The following DNM2 variants were observed in gnomAD, a reference collection of about 807,000 sequenced individuals.
The protein encoded by DNM2 is dynamin-2.
A neutral mutation model predicts 99.0 loss-of-function variants in DNM2; 15 were observed. The observed-to-expected ratio is 0.15, with a 90% CI of 0.10 to 0.23. The LOEUF (loss-of-function observed/expected upper bound fraction) is 0.23. DNM2 is among the 10% of genes least tolerant of loss of function. The pLI is 1.00. For synonymous variants in DNM2, 525 were observed against 481.2 expected, an observed-to-expected ratio of 1.09 and a Z score of -1.19; for missense variants, 742 against 1,189.4, an observed-to-expected ratio of 0.62 and a Z score of 5.53.
At position 10,783,092 on chromosome 19, in the gene DNM2, C is replaced by G; in HGVS notation, c.821C>G (p.Thr274Arg). 1 of 1,613,286 alleles carries G rather than the reference C, an allele frequency of 6.2e-7. No homozygotes were observed. Among genetic ancestry groups the G allele is most frequent in the Non-Finnish European group, 8.5e-7 (1 of 1,180,044 alleles). Residue 274 changes from threonine (T) to arginine (R), a missense_variant, in exon 6 of 21, where the codon ACG becomes AGG. Physicochemically the swap from Thr to Arg is moderately conservative, Grantham distance 71. Coordinates refer to ENST00000389253, the MANE Select transcript of DNM2 (RefSeq NM_001005361.3). The part of the protein sequence containing the change: ...AYRHMADRMG[T>R]PHLQKTLNQQ... ...CGGCACATGGCCGACCGCATGGGCA[C>G]GCCACATCTGCAGAAGACGCTGAAT... is the stretch of plus-strand genomic sequence containing the variant.
chr19:10,782,526 T>G (rs1266488561), intron 5 of DNM2, among the ~76,000 whole-genome samples: 1 of 151,950 alleles, frequency 6.6e-6, no homozygotes. Flanking sequence ...GCACGGCTAA[T>G]TTTTTGTATT....
At chr19:10,815,758 C>T (rs1008546981) in intron 15 of DNM2, among the ~76,000 whole-genome samples, 2 of 152,186 alleles carry the variant, frequency 1.3e-5, no homozygotes, top group Non-Finnish European at 2.9e-5. Flanking sequence ...GCCGCCCTGC[C>T]TGGCTCTCTT....
intron 5 of DNM2, among the ~76,000 whole-genome samples, chr19:10,782,355 T>TTTTTCTTTTTCG (rs1168651781): frequency 6.7e-6 from 1 of 150,286 alleles, no homozygotes; most frequent in Non-Finnish European, 1.5e-5. Context: ...TTTCTTTTTC[T>TTTTTCTTTTTCG]TTTTCTTTTT....
intron 5 of DNM2, among the ~76,000 whole-genome samples, chr19:10,781,149 C>T (rs2071357121): frequency 6.6e-6 from 1 of 152,088 alleles, no homozygotes. Flanking sequence ...ATGATTGTGC[C>T]ACTGCAATGC....
chr19:10,754,801 A>G (rs893579556), intron 1 of DNM2, among the ~76,000 whole-genome samples: 8 of 151,952 alleles, frequency 5.3e-5, no homozygotes, highest in African/African-American at 1.9e-4. Context: ...TATGTTGCCC[A>G]GGCTGGTCTC....
In DNM2 at chr19:10,802,252, G is replaced by GGCC. The variant is rs766211041; in HGVS notation, c.1423-35_1423-33dup. ...GCCGCTGCCCCCCCTTGCCAGGCTTGGCCTTGTACTCACAGTGACCCCCGC... is the reference window on the plus strand; with the variant it reads ...GCCGCTGCCCCCCCTTGCCAGGCTTGGCCGCCTTGTACTCACAGTGACCCCCGC... On this transcript the variant is annotated intron_variant, in intron 11 of 20. Coordinates refer to ENST00000389253, the MANE Select transcript of DNM2 (RefSeq NM_001005361.3). 1.1e-5 allele frequency: 17 copies of GGCC among 1,612,668 alleles called. 1 individual carries two copies. Among genetic ancestry groups the GGCC allele is most frequent in the Non-Finnish European group, 1.4e-5 (17 of 1,178,908 alleles).
chr19:10,821,552 A>G (rs2072970511), intron 16 of DNM2, among the ~76,000 whole-genome samples: 2 of 151,786 alleles, frequency 1.3e-5, no homozygotes, highest in Non-Finnish European at 2.9e-5. Context: ...TTTTTTTTAA[A>G]CGGAGTTCCG....
At chr19:10,814,071 A>G (rs965616357) in intron 15 of DNM2, among the ~76,000 whole-genome samples, 2 of 151,992 alleles carry the variant, frequency 1.3e-5, no homozygotes, top group Non-Finnish European at 2.9e-5. Context: ...CTGAGGCAGG[A>G]GAATCACCGG....
intron 17 of DNM2, chr19:10,824,505 A>C (rs1457233166): frequency 5.2e-6 from 1 of 191,276 alleles, no homozygotes; most frequent in Non-Finnish European, 1.1e-5. Flanking sequence ...CATCTCAAAA[A>C]TAAAATAAAA....
At chr19:10,825,419 C>A (rs890190346) in intron 18 of DNM2, among the ~76,000 whole-genome samples, 198 bp downstream of exon 18, 2 of 152,072 alleles carry the variant, frequency 1.3e-5, no homozygotes, top group Non-Finnish European at 2.9e-5. Flanking sequence ...ACCTGTAATC[C>A]CAGCACTTTG....
chr19:10,723,245 T>C (rs1015404404), intron 1 of DNM2, among the ~76,000 whole-genome samples: 2 of 151,672 alleles, frequency 1.3e-5, no homozygotes, highest in Non-Finnish European at 2.9e-5. Context: ...GCCATTCTCC[T>C]GCCTCAGCCT....
At chr19:10,798,400 CCT>C in intron 10 of DNM2, 84 bp from the exon 11 acceptor site, 1 of 1,012,420 alleles carries the variant, frequency 9.9e-7, no homozygotes, top group Non-Finnish European at 1.5e-6. Context: ...TCCCCACCCC[CCT>C]CCGCATTTTC....
intron 5 of DNM2, among the ~76,000 whole-genome samples, chr19:10,779,813 A>C (rs1339575417): frequency 1.3e-5 from 2 of 151,614 alleles, no homozygotes; most frequent in Non-Finnish European, 2.9e-5. Context: ...GCCACCACAC[A>C]CAGCTGATTT....
At position 10,795,404 on chromosome 19, in the gene DNM2, G is replaced by T. The variant is rs2071897159; in HGVS notation, c.1161G>T (p.Glu387Asp). Reference sequence around the variant, plus strand: ...TTGACGAGAAGGACTTACGACGGGAGATCAGCTATGCCATTAAGAACATCC... The same window carrying T: ...TTGACGAGAAGGACTTACGACGGGATATCAGCTATGCCATTAAGAACATCC... ...MEFDEKDLRR[E>D]ISYAIKNIHG... Residue 387 changes from glutamate to aspartate, a missense_variant, in exon 9 of 21, where the codon GAG becomes GAT. By Grantham distance (45) the Glu-to-Asp change is conservative. This residue lies in a region of DNM2 where 13 missense variants were observed against 61.3 expected (regional missense o/e 0.21). Transcript: ENST00000389253. The surrounding 1 kb of genome is among the most constrained non-coding windows in gnomAD (Gnocchi z 4.2). The T allele has an allele frequency of 6.8e-6, 11 of 1,614,160 alleles. No individual in the cohort carries two copies. The highest frequency in any genetic ancestry group is 1.1e-5 in the South Asian group (1 of 91,086).
At chr19:10,733,189 T>TG (rs1327749225) in intron 1 of DNM2, among the ~76,000 whole-genome samples, 6 of 88,260 alleles carry the variant, frequency 6.8e-5, no homozygotes, top group African/African-American at 3.3e-4. Flanking sequence ...TGGGCTGGTG[T>TG]GGTTTTTTTT....
intron 1 of DNM2, among the ~76,000 whole-genome samples, chr19:10,737,864 G>A (rs1186360150): frequency 1.3e-5 from 2 of 152,190 alleles, no homozygotes; most frequent in Non-Finnish European, 2.9e-5. Context: ...TGGCTGTAGC[G>A]CAGTCCCTTG....
chr19:10,808,475 G>C, intron 13 of DNM2, 94 bp from the exon 14 acceptor site: 1 of 1,409,616 alleles, frequency 7.1e-7, no homozygotes, highest in Non-Finnish European at 9.7e-7. Flanking sequence ...TGCTTTTCCT[G>C]CTTTTTCTTT....
At chr19:10,802,863 C>A (rs2072202663) in intron 12 of DNM2, among the ~76,000 whole-genome samples, 1 of 152,198 alleles carries the variant, frequency 6.6e-6, no homozygotes. Flanking sequence ...CATCGGGGAG[C>A]CCTGATTTCA....
chr19:10,724,821 T>G (rs1454932169), intron 1 of DNM2, among the ~76,000 whole-genome samples: 3 of 152,216 alleles, frequency 2.0e-5, no homozygotes, highest in Non-Finnish European at 4.4e-5. Context: ...TCCACAGGCA[T>G]GTAGGCGCCC....
Sources: gnomAD v4.1 joint callset for allele counts (sites outside exome capture counted in the v4.1 genomes callset) on GRCh38, gnomAD v4.1.1 for gene constraint, gnomAD v4.1.1 regional missense constraint, Gnocchi (gnomAD v3.1) non-coding constraint, MANE v1.5 for transcripts, NCBI Gene and HGNC (gene_info 2026-07-23, HGNC 2026-07-21) for gene names.